The following SPTBN1 variants were observed in gnomAD, a reference collection of about 807,000 sequenced individuals.
SPTBN1 encodes spectrin beta, non-erythrocytic 1.
A neutral mutation model predicts 266.4 loss-of-function variants in SPTBN1; 32 were observed. The observed-to-expected ratio is 0.12, with a 90% CI of 0.09 to 0.16. The LOEUF (loss-of-function observed/expected upper bound fraction) is 0.16. SPTBN1 is among the 10% of genes least tolerant of loss of function. The probability of loss-of-function intolerance (pLI) is 1.00; values close to 1 mark genes in which losing one functional copy is unlikely to be tolerated. For missense variants in SPTBN1, 2,296 were observed against 3,067.1 expected (o/e 0.75, Z 5.94); for synonymous variants, 1,336 against 1,162.2 (o/e 1.15, Z -3.04).
chr2:54,630,982 G>A lies in SPTBN1; in HGVS notation c.2935G>A (p.Glu979Lys). Reference sequence around the variant, plus strand: ...GATTCGGGAAAAGACCAAGGTCATCGAGTCCACCCAGGACCTGGGCAATGA... The same window carrying A: ...GATTCGGGAAAAGACCAAGGTCATCAAGTCCACCCAGGACCTGGGCAATGA... ...SWIREKTKVI[E>K]STQDLGNDLA... Residue 979 changes from glutamate (E) to lysine (K), a missense_variant, in exon 16 of 36, where the codon GAG becomes AAG. This residue lies in a region of SPTBN1 where 128 missense variants were observed against 176.5 expected (regional missense o/e 0.73). Coordinates refer to ENST00000356805, the MANE Select transcript of SPTBN1 (RefSeq NM_003128.3). 6.2e-7 allele frequency: 1 copy of A among 1,614,136 alleles called. No homozygotes were observed. Among genetic ancestry groups the A allele is most frequent in the East Asian group, 2.2e-5 (1 of 44,876 alleles).
intron 4 of SPTBN1, among the ~76,000 whole-genome samples, chr2:54,614,283 A>G (rs1256316024): frequency 6.6e-6 from 1 of 152,180 alleles, no homozygotes; most frequent in African/African-American, 2.4e-5. Flanking sequence ...GATACTCCAC[A>G]TATCCTTGTA....
chr2:54,460,606 T>C (rs1009439406), intron 1 of SPTBN1, among the ~76,000 whole-genome samples: 8 of 152,266 alleles, frequency 5.3e-5, no homozygotes, highest in Non-Finnish European at 7.3e-5. Flanking sequence ...TCATCTGATA[T>C]AGTCAATGTC....
At chr2:54,648,855 G>T (rs1270529034) in intron 24 of SPTBN1, 131 bp from the exon 25 acceptor site, 1 of 896,222 alleles carries the variant, frequency 1.1e-6, no homozygotes, top group Non-Finnish European at 1.7e-6. Flanking sequence ...TGCTAAGTGG[G>T]TTAACCAGAG....
At chr2:54,490,421 G>A (rs1668626435) in intron 1 of SPTBN1, among the ~76,000 whole-genome samples, 1 of 152,154 alleles carries the variant, frequency 6.6e-6, no homozygotes, top group African/African-American at 2.4e-5. Flanking sequence ...AAGTATTTAA[G>A]GGATCCCCTC....
At chr2:54,526,606 AAAATC>A in intron 2 of SPTBN1, 40 bp downstream of exon 2, 1 of 1,589,182 alleles carries the variant, frequency 6.3e-7, no homozygotes, top group South Asian at 1.1e-5. Flanking sequence ...CAGGATGCCT[AAAATC>A]AGGATGCCCC....
Position 54,625,915 on chromosome 2 carries a change from A to G in SPTBN1, c.1342-17A>G. 2 of 1,607,212 alleles carry G rather than the reference A, an allele frequency of 1.2e-6. No homozygotes were observed. Among genetic ancestry groups the G allele is most frequent in the Non-Finnish European group, 8.5e-7 (1 of 1,174,692 alleles). On this transcript the variant is annotated splice_polypyrimidine_tract_variant and intron_variant, in intron 11 of 35. Transcript: ENST00000356805. ...TGGATTTTTTATTTTCCTTCTTTTC[A>G]TTCCGTTTCTCTGTAGGACAACTTT... is the stretch of plus-strand genomic sequence containing the variant.
At chr2:54,591,238 C>T (rs1237814811) in intron 2 of SPTBN1, among the ~76,000 whole-genome samples, 1 of 152,168 alleles carries the variant, frequency 6.6e-6, no homozygotes, top group East Asian at 1.9e-4. Flanking sequence ...CTCTCAATTT[C>T]AGATTAGTCA....
At chr2:54,469,723 C>T (rs749931525) in intron 1 of SPTBN1, among the ~76,000 whole-genome samples, 38 of 152,144 alleles carry the variant, frequency 2.5e-4, no homozygotes, top group Non-Finnish European at 4.1e-4. Context: ...CTTAGCCAGT[C>T]CTCTGAGCAG....
At chr2:54,477,984 C>T (rs144793413) in intron 1 of SPTBN1, among the ~76,000 whole-genome samples, 1 of 152,180 alleles carries the variant, frequency 6.6e-6, no homozygotes, top group African/African-American at 2.4e-5. Context: ...AGAAAACCTT[C>T]TTCAGAGCCA....
chr2:54,562,696 T>TTGTGTGTC (rs1553447727), intron 2 of SPTBN1, among the ~76,000 whole-genome samples: 1 of 122,598 alleles, frequency 8.2e-6, no homozygotes, highest in Non-Finnish European at 1.6e-5. Flanking sequence ...AAACCCTGCT[T>TTGTGTGTC]TGTGTGTGTG....
At chr2:54,562,619 C>T (rs1245844716) in intron 2 of SPTBN1, among the ~76,000 whole-genome samples, 1 of 149,452 alleles carries the variant, frequency 6.7e-6, no homozygotes, top group Admixed American at 6.7e-5. Flanking sequence ...CAACCTCTGC[C>T]TCCCAGGCTC....
chr2:54,550,149 A>G (rs1672485664), intron 2 of SPTBN1, among the ~76,000 whole-genome samples: 2 of 152,218 alleles, frequency 1.3e-5, no homozygotes, highest in South Asian at 4.1e-4. Context: ...TGGTGTCTGT[A>G]AAGAAGGTCT....
chr2:54,465,330 C>T (rs139575964), intron 1 of SPTBN1, among the ~76,000 whole-genome samples: 207 of 152,210 alleles, frequency 1.4e-3, no homozygotes, highest in Admixed American at 3.1e-3. Flanking sequence ...AATTCCATGA[C>T]GTGCATGTTC....
At chr2:54,630,375 T>C (rs1412723001) in intron 15 of SPTBN1, among the ~76,000 whole-genome samples, 1 of 152,216 alleles carries the variant, frequency 6.6e-6, no homozygotes, top group Non-Finnish European at 1.5e-5. Flanking sequence ...CTCTAGCATG[T>C]TTAACACTTA....
chr2:54,526,658 GTT>G, intron 2 of SPTBN1, 92 bp downstream of exon 2: 2 of 1,424,976 alleles, frequency 1.4e-6, no homozygotes, highest in Non-Finnish European at 1.9e-6. Context: ...ACGCTGTCAT[GTT>G]CGAAGGTTGT....
Position 54,626,233 on chromosome 2 carries a change from A to G in SPTBN1, c.1643A>G (p.Lys548Arg), listed in dbSNP as rs1391938587. The change falls in exon 12 of 36, where the codon AAG becomes AGG. Residue 548 changes from lysine (K) to arginine (R), a missense_variant and splice_region_variant. Lys to Arg is a conservative substitution (Grantham distance 26). Coordinates refer to ENST00000356805, the MANE Select transcript of SPTBN1 (RefSeq NM_003128.3). This position sits in a 1 kb window ranked among gnomAD's most constrained non-coding sequence, Gnocchi z 4.7. ...ATTATGGACTGGATGGATGAAATGA[A>G]GGTAAAACCTGACCGAAAGGAAGGA... ...LYIMDWMDEM[K>R]VLVLSQDYGK... 2 of 1,610,782 alleles carry G rather than the reference A, an allele frequency of 1.2e-6. No homozygotes were observed. The highest frequency in any genetic ancestry group is 1.7e-6 in the Non-Finnish European group (2 of 1,177,392).
At chr2:54,506,633 G>T (rs1243996259) in intron 1 of SPTBN1, among the ~76,000 whole-genome samples, 1 of 152,020 alleles carries the variant, frequency 6.6e-6, no homozygotes, top group Non-Finnish European at 1.5e-5. Context: ...ATTGTTGTCT[G>T]GGAGCTAGAC....
chr2:54,645,123 C>T lies in SPTBN1; in HGVS notation c.4270-106C>T, dbSNP rs1414901001. 9.5e-6 allele frequency: 11 copies of T among 1,160,040 alleles called. No individual in the cohort carries two copies. Among genetic ancestry groups the T allele is most frequent in the Non-Finnish European group, 1.1e-5 (9 of 807,118 alleles). 71.9% of individuals were successfully genotyped at this position (1,160,040 alleles called of 1,614,324 possible). ...CAAAATGTTTGAGTGGCTCCCATGG[C>T]TGGCTTTGCGGTGTGGCCAAGTCCC... On this transcript the variant is annotated intron_variant, in intron 20 of 35. Transcript: ENST00000356805. The surrounding 1 kb of genome is among the most constrained non-coding windows in gnomAD (Gnocchi z 4.3).
intron 1 of SPTBN1, among the ~76,000 whole-genome samples, chr2:54,481,391 AGTGTGTGTGT>A (rs72077761): frequency 0.056 from 6,526 of 117,312 alleles, 177 homozygotes; most frequent in South Asian, 0.16. Flanking sequence ...CAGAAACCTG[AGTGTGTGTGT>A]GTGTGTGTGT....
Sources: allele counts gnomAD v4.1 joint callset (sites outside exome capture counted in the v4.1 genomes callset), GRCh38; gene constraint gnomAD v4.1.1; regional missense constraint gnomAD v4.1.1; non-coding constraint Gnocchi (gnomAD v3.1); transcripts MANE v1.5; gene names NCBI Gene and HGNC (gene_info 2026-07-23, HGNC 2026-07-21).